The following CFAP299 variants were observed in gnomAD, a reference collection of about 807,000 sequenced individuals.
CFAP299 encodes cilia and flagella associated protein 299.
A neutral mutation model predicts 27.0 loss-of-function variants in CFAP299; 21 were observed. The ratio of observed to expected loss-of-function variants is 0.78; its 90% CI spans 0.55 to 1.12. The LOEUF is 1.12. CFAP299 is among the 50% of genes most tolerant of loss of function. CFAP299 has a pLI of 0.00. For missense variants in CFAP299, 310 were observed against 276.6 expected (o/e 1.12, Z -0.86); for synonymous variants, 104 against 98.1 (o/e 1.06, Z -0.36).
intron 2 of CFAP299, among the ~76,000 whole-genome samples, chr4:80,460,815 G>GA (rs1360226502): frequency 6.6e-6 from 1 of 152,028 alleles, no homozygotes; most frequent in Non-Finnish European, 1.5e-5. Context: ...ACTTGCCAAA[G>GA]AAAAAAGTCA....
chr4:80,630,880 C>G (rs1169731106), intron 3 of CFAP299, among the ~76,000 whole-genome samples: 1 of 151,920 alleles, frequency 6.6e-6, no homozygotes, highest in Non-Finnish European at 1.5e-5. Flanking sequence ...CATATTACTT[C>G]AGGACAAGAT....
intron 3 of CFAP299, among the ~76,000 whole-genome samples, chr4:80,684,949 G>A (rs940981433): frequency 3.3e-5 from 5 of 151,896 alleles, no homozygotes; most frequent in Non-Finnish European, 7.4e-5. Context: ...TTAAAACTTA[G>A]AAAGGAAAAA....
chr4:80,856,663 C>A (rs561198199), intron 3 of CFAP299, among the ~76,000 whole-genome samples: 34 of 152,268 alleles, frequency 2.2e-4, no homozygotes, highest in Non-Finnish European at 3.4e-4. Flanking sequence ...AATAGGGAAT[C>A]CTTTCCCCAT....
At chr4:80,620,909 A>G (rs1340547781) in intron 3 of CFAP299, among the ~76,000 whole-genome samples, 5 of 152,148 alleles carry the variant, frequency 3.3e-5, no homozygotes, top group African/African-American at 7.2e-5. Context: ...ACTAAATAAC[A>G]TAAGTATATA....
chr4:80,789,944 G>C (rs1727455048), intron 3 of CFAP299, among the ~76,000 whole-genome samples: 1 of 151,974 alleles, frequency 6.6e-6, no homozygotes. Context: ...ACAAATATAA[G>C]TGTTAATATA....
At chr4:80,861,460 C>T (rs577544564) in intron 3 of CFAP299, among the ~76,000 whole-genome samples, 12 of 152,270 alleles carry the variant, frequency 7.9e-5, no homozygotes, top group African/African-American at 1.4e-4. Flanking sequence ...GAGATGAACC[C>T]GGTACCTCAG....
At chr4:80,398,783 A>C (rs1725964020) in intron 2 of CFAP299, among the ~76,000 whole-genome samples, 1 of 152,244 alleles carries the variant, frequency 6.6e-6, no homozygotes, top group Non-Finnish European at 1.5e-5. Context: ...GGCATGGGCA[A>C]GGACTTCATG....
intron 2 of CFAP299, among the ~76,000 whole-genome samples, chr4:80,504,492 TATATATATATA>T (rs1560598340): frequency 9.9e-5 from 13 of 130,854 alleles, no homozygotes; most frequent in Non-Finnish European, 1.8e-4. Flanking sequence ...TATATATATA[TATATATATATA>T]TATTTTCCTT....
At chr4:80,486,041 C>T (rs1309153962) in intron 2 of CFAP299, among the ~76,000 whole-genome samples, 1 of 151,996 alleles carries the variant, frequency 6.6e-6, no homozygotes, top group South Asian at 2.1e-4. Context: ...GTGATTCTCC[C>T]GCCTTAGCCT....
chr4:80,740,425 A>G (rs1724187414), intron 3 of CFAP299, among the ~76,000 whole-genome samples: 1 of 152,210 alleles, frequency 6.6e-6, no homozygotes, highest in South Asian at 2.1e-4. Context: ...TCTCTGGATT[A>G]CCAGGCAGAG....
At chr4:80,409,874 G>C (rs750375500) in intron 2 of CFAP299, among the ~76,000 whole-genome samples, 2 of 152,166 alleles carry the variant, frequency 1.3e-5, no homozygotes, top group Admixed American at 6.5e-5. Flanking sequence ...TCAAGAGAGG[G>C]ATACAGAAGT....
chr4:80,599,273 T>C (rs1040459026), intron 3 of CFAP299, among the ~76,000 whole-genome samples: 2 of 152,166 alleles, frequency 1.3e-5, no homozygotes, highest in African/African-American at 4.8e-5. Flanking sequence ...ATAATCGTCT[T>C]CATTTTCTGC....
intron 2 of CFAP299, among the ~76,000 whole-genome samples, chr4:80,441,822 C>T (rs745670296): frequency 3.9e-5 from 6 of 152,050 alleles, no homozygotes; most frequent in Non-Finnish European, 5.9e-5. Flanking sequence ...TACTCATGTG[C>T]AAAAACACAC....
At chr4:80,698,690 C>A (rs1472036776) in intron 3 of CFAP299, among the ~76,000 whole-genome samples, 1 of 152,198 alleles carries the variant, frequency 6.6e-6, no homozygotes, top group Admixed American at 6.5e-5. Context: ...ACTCACAGTT[C>A]CACATGGCTG....
intron 3 of CFAP299, among the ~76,000 whole-genome samples, chr4:80,655,967 A>G (rs1265331446): frequency 6.6e-6 from 1 of 152,196 alleles, no homozygotes; most frequent in East Asian, 1.9e-4. Flanking sequence ...GGTGGAAGTC[A>G]GGTGGCTGGA....
At chr4:80,633,410 C>T (rs75087247) in intron 3 of CFAP299, among the ~76,000 whole-genome samples, 8,337 of 152,066 alleles carry the variant, frequency 0.055, 596 homozygotes, top group African/African-American at 0.16. Flanking sequence ...TGGAGTGTCA[C>T]GCCACTGCAA....
At position 80,481,021 on chromosome 4, in the gene CFAP299, A is replaced by G. The variant is rs1201900122; in HGVS notation, c.243-102072A>G. 2.0e-5 allele frequency among the ~76,000 whole-genome samples: 3 copies of G among 152,172 alleles called. No homozygotes were observed. In the East Asian group the frequency reaches 5.8e-4, roughly 29 times the overall value. On this transcript the variant is annotated intron_variant, in intron 2 of 5. Transcript: ENST00000358105. ...ATTCATATAATGTTTTATACCATTT[A>G]TCGCTGTAAGCCATTTAAGCAGAAA... is the stretch of plus-strand genomic sequence containing the variant.
At chr4:80,680,871 C>T (rs1425917953) in intron 3 of CFAP299, among the ~76,000 whole-genome samples, 1 of 152,066 alleles carries the variant, frequency 6.6e-6, no homozygotes, top group Non-Finnish European at 1.5e-5. Context: ...AGAAGCCTGC[C>T]CCTTTTGGAT....
intron 2 of CFAP299, among the ~76,000 whole-genome samples, chr4:80,385,651 C>T (rs1378421620): frequency 1.3e-5 from 2 of 152,332 alleles, no homozygotes; most frequent in East Asian, 3.9e-4. Context: ...CCAGATCTGT[C>T]TCACAGCTGC....
Sources: allele counts gnomAD v4.1 joint callset (sites outside exome capture counted in the v4.1 genomes callset), GRCh38; gene constraint gnomAD v4.1.1; transcripts MANE v1.5; gene names NCBI Gene and HGNC (gene_info 2026-07-23, HGNC 2026-07-21).